Variants in SHOX2 observed in about 807,000 individuals in gnomAD.
SHOX2 encodes short stature homeobox protein 2.
A neutral mutation model predicts 31.3 loss-of-function variants in SHOX2; 13 were observed. The ratio of observed to expected loss-of-function variants is 0.42; its 90% CI spans 0.27 to 0.66. SHOX2 has a LOEUF of 0.66. SHOX2 is among the 30% of genes least tolerant of loss of function. The probability of loss-of-function intolerance (pLI) is 0.27; values close to 1 mark genes in which losing one functional copy is unlikely to be tolerated. For missense variants in SHOX2, 473 were observed against 443.0 expected (o/e 1.07, Z -0.61); for synonymous variants, 244 against 196.2 (o/e 1.24, Z -2.04).
chr3:158,105,962 C>T lies in SHOX2; in HGVS notation c.63G>A (p.Glu21=), dbSNP rs751533793. ...SFDQKVKEKK[E]AITYREVLES... is the part of the protein sequence containing the mutation. ...CCAGCACCTCCCGGTACGTGATCGC[C>T]TCCTTCTTCTCCTTCACTTTCTGGT... The change falls in exon 1 of 5, where the codon GAG becomes GAA. Residue 21 remains glutamate (E), a synonymous_variant. Transcript: ENST00000483851. The T allele has an allele frequency of 6.1e-5, 98 of 1,612,890 alleles. No homozygotes were observed. The highest frequency in any genetic ancestry group is 8.1e-5 in the Non-Finnish European group (95 of 1,179,818).
rs765149160 is a variant in SHOX2 at position 158,098,140 on chromosome 3, A to C, written c.847T>G (p.Ser283Ala). 40 of 1,613,294 alleles carry C rather than the reference A, an allele frequency of 2.5e-5. No individual in the cohort carries two copies. Among genetic ancestry groups the C allele is most frequent in the Non-Finnish European group, 3.2e-5 (38 of 1,179,644 alleles). Residue 283 changes from serine to alanine, a missense_variant, in exon 5 of 5, where the codon TCC (serine) becomes GCC (alanine). Ser to Ala is a moderately conservative substitution (Grantham distance 99). This residue lies in a region of SHOX2 where 182 missense variants were observed against 167.2 expected (regional missense o/e 1.09). Transcript: ENST00000483851. ...PLATLAADSA[S>A]AASVVAAAAA... ...GCGGCCGCCACTACCGAGGCGGCGG[A>C]AGCCGAATCCGCGGCCAGCGTGGCG...
Position 158,098,096 on chromosome 3 carries a change from G to A in SHOX2, c.891C>T (p.Thr297=), listed in dbSNP as rs1329426630. The change falls in exon 5 of 5, where the codon ACC becomes ACT. Residue 297 remains threonine (T), a synonymous_variant. Coordinates refer to ENST00000483851, the MANE Select transcript of SHOX2 (RefSeq NM_001163678.2). ...GATCGGCGATGCTGGAGTTCTTGCTGGTGGTCTTGGCGGCTGCTGCGGCCG... is the reference window on the plus strand; with the variant it reads ...GATCGGCGATGCTGGAGTTCTTGCTAGTGGTCTTGGCGGCTGCTGCGGCCG... The part of the protein sequence containing the change: ...VVAAAAAAKT[T]SKNSSIADLR... 1.2e-6 allele frequency: 2 copies of A among 1,612,760 alleles called. No homozygotes were observed. The highest frequency in any genetic ancestry group is 2.2e-5 in the East Asian group (1 of 44,836).
chr3:158,097,493 T>C lies in SHOX2; in HGVS notation c.*534A>G, dbSNP rs1402692079. On this transcript the variant is annotated 3_prime_UTR_variant, in exon 5 of 5. Coordinates refer to ENST00000483851, the MANE Select transcript of SHOX2 (RefSeq NM_001163678.2). The stretch of plus-strand genomic sequence containing the variant: ...GAGAATCGTCTGGGTTGTTTTTCCA[T>C]ATTTTTAAATGTATAAAATACTTTA... The C allele has an allele frequency of 1.3e-5, 2 of 152,342 alleles. No homozygotes were observed. Among genetic ancestry groups the C allele is most frequent in the Non-Finnish European group, 2.9e-5 (2 of 68,120 alleles). The allele number at this position is 152,342 out of a possible 1,614,324, so 9.4% of individuals were successfully genotyped here. A position where few individuals can be genotyped will look rare whatever the true frequency, so the allele number is the denominator to read the frequency against.
At chr3:158,098,307 T>C in intron 4 of SHOX2, 23 bp from the exon 5 acceptor site, 8 of 1,610,854 alleles carry the variant, frequency 5.0e-6, no homozygotes, top group Non-Finnish European at 6.8e-6. Flanking sequence ...GGGCGTCACG[T>C]TGCAATGACT....
chr3:158,100,897 A>G (rs1713450105), intron 2 of SHOX2, among the ~76,000 whole-genome samples: 1 of 152,232 alleles, frequency 6.6e-6, no homozygotes, highest in Non-Finnish European at 1.5e-5. Flanking sequence ...GCTTCTTTAG[A>G]AAAAGCCACT....
Position 158,102,832 on chromosome 3 carries a change from C to T in SHOX2, c.401G>A (p.Gly134Asp). 6.2e-7 allele frequency: 1 copy of T among 1,614,078 alleles called. No homozygotes were observed. Among genetic ancestry groups the T allele is most frequent in the Non-Finnish European group, 8.5e-7 (1 of 1,180,018 alleles). Residue 134 changes from glycine (G) to aspartate (D), a missense_variant, in exon 2 of 5, where the codon GGC becomes GAC. Gly to Asp is a moderately conservative substitution (Grantham distance 94). This residue lies in a region of SHOX2 where 276 missense variants were observed against 230.0 expected (regional missense o/e 1.20). Transcript: ENST00000483851. ...TCGCCTCTGCTTGATTTTGGTCTGG[C>T]CTTCGTCCTCCATCCCTTTCGCATC... ...KEDAKGMEDE[G>D]QTKIKQRRSR...
At chr3:158,098,892 G>T (rs770693710) in intron 4 of SHOX2, among the ~76,000 whole-genome samples, 2 of 152,190 alleles carry the variant, frequency 1.3e-5, no homozygotes, top group Non-Finnish European at 2.9e-5. Flanking sequence ...AGACGGTGTT[G>T]TTGCTGCTGG....
chr3:158,104,790 C>A (rs1713750050), intron 1 of SHOX2, among the ~76,000 whole-genome samples: 1 of 152,208 alleles, frequency 6.6e-6, no homozygotes, highest in Admixed American at 6.5e-5. Context: ...TGATTCCACG[C>A]ATGCCACATA....
intron 1 of SHOX2, chr3:158,105,301 G>T: frequency 1.7e-6 from 1 of 604,954 alleles, no homozygotes; most frequent in Admixed American, 2.9e-5. Context: ...CTTTAGTCCC[G>T]CCGTCTGGTT....
At position 158,102,879 on chromosome 3, in the gene SHOX2, CG is replaced by C; in HGVS notation, c.353del (p.Pro118ArgfsTer3). The C allele has an allele frequency of 6.2e-7, 1 of 1,613,876 alleles. No individual in the cohort carries two copies. Among genetic ancestry groups the C allele is most frequent in the Non-Finnish European group, 8.5e-7 (1 of 1,179,996 alleles). On this transcript the variant is annotated frameshift_variant, in exon 2 of 5. Transcript: ENST00000483851. LOFTEE classifies it high-confidence loss of function. Reference protein sequence around the residue: ...PGSPRLTEVSPELKDRKEDAK... With the variant: ...PGSPRLTEVSXELKDRKEDAK... ...CATCCTCTTTGCGATCTTTCAGCTC[CG>C]GGGACACTGGAGGGGGCACCCCAGC...
chr3:158,103,280 G>C, intron 1 of SHOX2: 1 of 305,814 alleles, frequency 3.3e-6, no homozygotes, highest in Non-Finnish European at 6.4e-6. Flanking sequence ...GCAGCGCCAG[G>C]CCTCTCACAG....
chr3:158,098,438 G>T, intron 4 of SHOX2, 154 bp from the exon 5 acceptor site: 1 of 903,832 alleles, frequency 1.1e-6, no homozygotes, highest in Non-Finnish European at 1.7e-6. Flanking sequence ...TGTTCCGACA[G>T]TGACCTTCTC....
intron 2 of SHOX2, among the ~76,000 whole-genome samples, chr3:158,101,860 G>A (rs780694670): frequency 6.6e-6 from 1 of 152,178 alleles, no homozygotes; most frequent in African/African-American, 2.4e-5. Flanking sequence ...ATATGTGTAT[G>A]TGAATGTACA....
intron 2 of SHOX2, among the ~76,000 whole-genome samples, chr3:158,101,589 GTT>G (rs11359775): frequency 5.3e-5 from 8 of 151,594 alleles, no homozygotes; most frequent in Non-Finnish European, 8.9e-5. Flanking sequence ...TGACTGCTCT[GTT>G]TTTTTTTTTC....
At position 158,106,412 on chromosome 3, in the gene SHOX2, T is replaced by A. The variant is rs1713942196; in HGVS notation, c.-388A>T. On this transcript the variant is annotated 5_prime_UTR_variant, in exon 1 of 5. Transcript: ENST00000483851. Reference sequence around the variant, plus strand: ...CAATTCTTCCTGCGGAGAGTTCAGATCTGATAGCGACGCTGCGCTTGAAGT... The same window carrying A: ...CAATTCTTCCTGCGGAGAGTTCAGAACTGATAGCGACGCTGCGCTTGAAGT... The A allele has an allele frequency of 4.6e-6, 1 of 218,026 alleles. No homozygotes were observed. Among genetic ancestry groups the A allele is most frequent in the Admixed American group, 6.1e-5 (1 of 16,510 alleles). The allele number at this position is 218,026 out of a possible 1,614,324, so 13.5% of individuals were successfully genotyped here. A position where few individuals can be genotyped will look rare whatever the true frequency, so the allele number is the denominator to read the frequency against.
At chr3:158,105,109 C>G (rs1441691825) in intron 1 of SHOX2, 12 of 1,520,768 alleles carry the variant, frequency 7.9e-6, no homozygotes, top group Non-Finnish European at 1.1e-5. Flanking sequence ...TGGACCTCAG[C>G]TTTCGTTGGC....
At chr3:158,099,550 A>G (rs114804887) in intron 4 of SHOX2, among the ~76,000 whole-genome samples, 1,623 of 152,326 alleles carry the variant, frequency 0.011, 34 homozygotes, top group African/African-American at 0.037. Flanking sequence ...ATTGGATTTG[A>G]CAAAATCTTA....
chr3:158,097,457 C>T lies in SHOX2; in HGVS notation c.*570G>A, dbSNP rs1713186633. ...ACACACATTTAAGTTGGTAACTCCCCCCAGTCTCTCGAGAATCGTCTGGGT... is the reference window on the plus strand; with the variant it reads ...ACACACATTTAAGTTGGTAACTCCCTCCAGTCTCTCGAGAATCGTCTGGGT... On this transcript the variant is annotated 3_prime_UTR_variant, in exon 5 of 5. Coordinates refer to ENST00000483851, the MANE Select transcript of SHOX2 (RefSeq NM_001163678.2). 1.3e-5 allele frequency: 2 copies of T among 152,302 alleles called. No individual in the cohort carries two copies. The highest frequency in any genetic ancestry group is 3.9e-4 in the East Asian group (2 of 5,188). The allele number at this position is 152,302 out of a possible 1,614,324, so 9.4% of individuals were successfully genotyped here.
chr3:158,105,193 G>T, intron 1 of SHOX2: 1 of 1,039,106 alleles, frequency 9.6e-7, no homozygotes, highest in Non-Finnish European at 1.5e-6. Context: ...TGCGGAGTTC[G>T]AGGGGTCTTG....
Sources: gnomAD v4.1 joint callset for allele counts (sites outside exome capture counted in the v4.1 genomes callset) on GRCh38, gnomAD v4.1.1 for gene constraint, gnomAD v4.1.1 regional missense constraint, MANE v1.5 for transcripts, NCBI Gene and HGNC (gene_info 2026-07-23, HGNC 2026-07-21) for gene names.